PAX5: variants seen among roughly 807,000 people sequenced by gnomAD.
PAX5 encodes the protein paired box 5.
Under a neutral mutation model 43.7 loss-of-function variants are expected in PAX5, and 9 were observed. That is an observed-to-expected ratio of 0.21 (90% CI 0.12 to 0.36). The LOEUF is 0.36. Ranked by LOEUF, PAX5 falls within the 10% of genes least tolerant of loss-of-function variation. The probability of loss-of-function intolerance (pLI) is 1.00; values close to 1 mark genes in which losing one functional copy is unlikely to be tolerated. For synonymous variants in PAX5, 228 were observed against 214.3 expected (o/e 1.06, Z -0.56); for missense variants, 383 against 532.7 (o/e 0.72, Z 2.77).
intron 7 of PAX5, among the ~76,000 whole-genome samples, chr9:36,894,080 CTCCTGGTTTTGGTACATGCCTAT>C (rs1827649544): frequency 6.6e-6 from 1 of 152,228 alleles, no homozygotes; most frequent in African/African-American, 2.4e-5. Context: ...CACGCCCCCA[CTCCTGGTTTTGGTACATGCCTAT>C]ATCAAGCCAT....
In PAX5 at chr9:36,910,490, A is replaced by C. The variant is rs952752832; in HGVS notation, c.910+12865T>G. On this transcript the variant is annotated intron_variant, in intron 7 of 9. Transcript: ENST00000358127. ...GGGGTGTATCTCCTCTGGTTGTTAA[A>C]ATGTTAGGACTAATTTTTTTTTAAG... Among the ~76,000 whole-genome samples the C allele has an allele frequency of 2.6e-5, 4 of 152,190 alleles. No individual in the cohort carries two copies. The South Asian group carries it at 8.3e-4, about 31-fold the overall frequency.
intron 5 of PAX5, among the ~76,000 whole-genome samples, chr9:36,993,672 G>A (rs1564053581): frequency 1.3e-5 from 2 of 152,240 alleles, no homozygotes; most frequent in South Asian, 4.1e-4. Context: ...AGGACTGTGG[G>A]ATTCTCTTCC....
chr9:37,021,967 C>T (rs1367611253), intron 1 of PAX5, among the ~76,000 whole-genome samples: 1 of 152,186 alleles, frequency 6.6e-6, no homozygotes. Context: ...CACATATATA[C>T]TCAACTCTAA....
At chr9:36,890,558 G>T (rs1827292528) in intron 7 of PAX5, among the ~76,000 whole-genome samples, 1 of 152,158 alleles carries the variant, frequency 6.6e-6, no homozygotes, top group Admixed American at 6.5e-5. Context: ...TCTGGGCCTT[G>T]GTTATCTGAA....
At chr9:36,921,314 C>T (rs1305930285) in intron 7 of PAX5, among the ~76,000 whole-genome samples, 3 of 152,244 alleles carry the variant, frequency 2.0e-5, no homozygotes, top group Non-Finnish European at 4.4e-5. Flanking sequence ...AGAACACTCT[C>T]CTCTGGGATC....
intron 3 of PAX5, chr9:37,007,584 C>T (rs1452177783): frequency 6.6e-6 from 1 of 152,174 alleles, no homozygotes; most frequent in Non-Finnish European, 1.5e-5. Context: ...AAGCTCCTTC[C>T]TTGGCATTTG....
intron 5 of PAX5, among the ~76,000 whole-genome samples, chr9:36,970,875 C>T (rs1246668092): frequency 1.3e-5 from 2 of 152,204 alleles, no homozygotes; most frequent in African/African-American, 4.8e-5. Flanking sequence ...GGGCCCTTCA[C>T]TCCCACACTG....
chr9:36,927,326 C>T lies in PAX5; in HGVS notation c.781-3842G>A, dbSNP rs1036976621. 4.6e-5 allele frequency among the ~76,000 whole-genome samples: 7 copies of T among 152,226 alleles called. No homozygotes were observed. The East Asian group carries it at 1.3e-3, about 29-fold the overall frequency. The stretch of plus-strand genomic sequence containing the variant: ...GTCTGCAAGGGAATGCCTTTACTTC[C>T]CCCAAGAAAGCAGAGCCAACCTGGG... On this transcript the variant is annotated intron_variant, in intron 6 of 9. Transcript: ENST00000358127.
chr9:36,924,462 G>A (rs538387084), intron 6 of PAX5, among the ~76,000 whole-genome samples: 1 of 152,276 alleles, frequency 6.6e-6, no homozygotes, highest in South Asian at 2.1e-4. Flanking sequence ...GCTCACGCAT[G>A]TCATTCCAAC....
At chr9:36,881,800 G>GC (rs1190033539) in intron 8 of PAX5, among the ~76,000 whole-genome samples, 1 of 151,928 alleles carries the variant, frequency 6.6e-6, no homozygotes, top group Admixed American at 6.6e-5. Flanking sequence ...CCCTCCCCTC[G>GC]CCCCCGGTGT....
chr9:36,927,705 T>A (rs1436183033), intron 6 of PAX5, among the ~76,000 whole-genome samples: 1 of 108,568 alleles, frequency 9.2e-6, no homozygotes, highest in Non-Finnish European at 2.3e-5. Context: ...CTTTCCTTTT[T>A]CTTTTTCTTT....
chr9:36,852,808 C>A (rs1265205375), intron 8 of PAX5, among the ~76,000 whole-genome samples: 1 of 152,130 alleles, frequency 6.6e-6, no homozygotes, highest in African/African-American at 2.4e-5. Context: ...GAGATACGTT[C>A]CCTCAACCTT....
chr9:36,841,783 A>G (rs771224541), intron 9 of PAX5, among the ~76,000 whole-genome samples: 10 of 152,212 alleles, frequency 6.6e-5, no homozygotes, highest in Non-Finnish European at 1.2e-4. Flanking sequence ...TGCTGGGGGC[A>G]GGGCTGGGCA....
chr9:36,965,494 A>G (rs1834347754), intron 6 of PAX5, among the ~76,000 whole-genome samples: 1 of 152,234 alleles, frequency 6.6e-6, no homozygotes. Flanking sequence ...ACACAGACAG[A>G]CTGTCATAGA....
chr9:36,879,707 C>G (rs933946622), intron 8 of PAX5, among the ~76,000 whole-genome samples: 54 of 152,324 alleles, frequency 3.5e-4, no homozygotes, highest in African/African-American at 1.3e-3. Flanking sequence ...AACCCTGCCC[C>G]CCTTGCAGGA....
intron 7 of PAX5, among the ~76,000 whole-genome samples, chr9:36,904,023 T>C (rs1828612021): frequency 6.6e-6 from 1 of 152,240 alleles, no homozygotes; most frequent in African/African-American, 2.4e-5. Context: ...TGTGTGACCT[T>C]GAGCAAGTTT....
intron 9 of PAX5, among the ~76,000 whole-genome samples, chr9:36,841,969 G>A (rs1286398933): frequency 6.6e-6 from 1 of 152,120 alleles, no homozygotes; most frequent in Non-Finnish European, 1.5e-5. Flanking sequence ...CAGAGTAGGG[G>A]TGACACTTTG....
chr9:36,855,631 AC>A (rs574216914), intron 8 of PAX5, among the ~76,000 whole-genome samples: 1 of 151,638 alleles, frequency 6.6e-6, no homozygotes, highest in Non-Finnish European at 1.5e-5. Flanking sequence ...GAAGATCAAC[AC>A]CCCAGACGCC....
At chr9:36,989,229 C>A (rs1336805330) in intron 5 of PAX5, among the ~76,000 whole-genome samples, 3 of 152,218 alleles carry the variant, frequency 2.0e-5, no homozygotes, top group East Asian at 1.9e-4. Flanking sequence ...AAAGTAGAAT[C>A]AAAGCCCCAT....
Sources: gnomAD v4.1 joint callset for allele counts (sites outside exome capture counted in the v4.1 genomes callset) on GRCh38, gnomAD v4.1.1 for gene constraint, MANE v1.5 for transcripts, NCBI Gene and HGNC (gene_info 2026-07-23, HGNC 2026-07-21) for gene names.